The following H2AZ2 variants were observed in gnomAD, a reference collection of about 807,000 sequenced individuals.
H2AZ2 encodes histone H2A.V.
In H2AZ2, 5 loss-of-function variants were observed where a neutral mutation model predicts 15.5. That is an observed-to-expected ratio of 0.32 (90% confidence interval 0.17 to 0.68). The LOEUF is 0.68. Ranked by LOEUF, H2AZ2 falls within the 30% of genes least tolerant of loss-of-function variation. H2AZ2 has a pLI of 0.72. For synonymous variants in H2AZ2, 44 were observed against 57.4 expected (o/e 0.77, Z 1.05); for missense variants, 42 against 162.5 (o/e 0.26, Z 4.03).
rs925226305 is a variant in H2AZ2 at position 44,843,371 on chromosome 7, A to T, written c.4-17T>A. 4.6e-5 allele frequency: 72 copies of T among 1,565,048 alleles called. No individual in the cohort carries two copies. The South Asian group carries it at 4.9e-4, about 11-fold the overall frequency. ...GCCTCCAGCCTAAATGCAAAAAAAA[A>T]TTTTTTTGAATGAAAAGAGTTGAAA... On this transcript the variant is annotated splice_polypyrimidine_tract_variant and intron_variant, in intron 1 of 4. Transcript: ENST00000308153.
chr7:44,847,369 T>C (rs1365587714), intron 1 of H2AZ2, among the ~76,000 whole-genome samples: 3 of 152,180 alleles, frequency 2.0e-5, no homozygotes, highest in Admixed American at 1.3e-4. Context: ...GAAAGTACTG[T>C]TGTATAATGA....
chr7:44,828,627 A>G (rs571552548), downstream of H2AZ2: 1 of 152,330 alleles, frequency 6.6e-6, no homozygotes, highest in African/African-American at 2.4e-5. Context: ...AAGAATTACA[A>G]AGCCCAACTC....
At chr7:44,844,344 A>G (rs1353912109) in intron 1 of H2AZ2, among the ~76,000 whole-genome samples, 1 of 152,202 alleles carries the variant, frequency 6.6e-6, no homozygotes, top group Non-Finnish European at 1.5e-5. Context: ...TAAGCCAGTT[A>G]CAAAAAAGAC....
chr7:44,837,541 G>T (rs1671152004), intron 3 of H2AZ2, among the ~76,000 whole-genome samples: 1 of 150,600 alleles, frequency 6.6e-6, no homozygotes, highest in Non-Finnish European at 1.5e-5. Flanking sequence ...ATGCAGGCTG[G>T]AGTGCAGTGG....
At chr7:44,841,766 G>A (rs975584417) in intron 2 of H2AZ2, among the ~76,000 whole-genome samples, 4 of 152,158 alleles carry the variant, frequency 2.6e-5, no homozygotes, top group Non-Finnish European at 4.4e-5. Flanking sequence ...ACTGTGCCCC[G>A]CCAGTCTGTG....
intron 1 of H2AZ2, among the ~76,000 whole-genome samples, 182 bp downstream of exon 1, chr7:44,847,787 G>A (rs566760719): frequency 1.3e-5 from 2 of 152,226 alleles, no homozygotes; most frequent in South Asian, 2.1e-4. Context: ...GCTCTCACCC[G>A]GGGACCCGTG....
rs542125531 is a variant in H2AZ2, at chr7:44,845,082, A to C, written c.4-1728T>G. On this transcript the variant is annotated intron_variant, in intron 1 of 4. Transcript: ENST00000308153. Reference sequence around the variant, plus strand: ...AATAGATGGTAAGCTTTGAAATGGCATATCCCCTTTGTAGCTAACCCTTTC... The same window carrying C: ...AATAGATGGTAAGCTTTGAAATGGCCTATCCCCTTTGTAGCTAACCCTTTC... Among the ~76,000 whole-genome samples, 9 of 152,334 alleles carry C rather than the reference A, an allele frequency of 5.9e-5. No homozygotes were observed. The South Asian group carries it at 1.9e-3, about 32-fold the overall frequency.
downstream of H2AZ2, chr7:44,829,478 G>C (rs961030429): frequency 1.3e-5 from 2 of 152,192 alleles, no homozygotes; most frequent in East Asian, 1.9e-4. Flanking sequence ...GCGTGCGCCT[G>C]TAATCCCAGC....
At chr7:44,841,933 A>G (rs183342169) in intron 2 of H2AZ2, among the ~76,000 whole-genome samples, 7 of 152,312 alleles carry the variant, frequency 4.6e-5, no homozygotes, top group Admixed American at 1.3e-4. Flanking sequence ...GTCTCTTTCC[A>G]AAGACTGAAT....
chr7:44,830,272 T>G, downstream of H2AZ2: 1 of 1,034,808 alleles, frequency 9.7e-7, no homozygotes, highest in Non-Finnish European at 1.4e-6. Flanking sequence ...AAATGTTAAC[T>G]ATAGATATAG....
At position 44,846,608 on chromosome 7, in the gene H2AZ2, C is replaced by CA. The variant is rs1371866727; in HGVS notation, c.3+1360dup. ...CTGGCAACAGAGTGAGACTCCGTCT[C>CA]AAAAAAAAAAACCACAAAAAACCAC... is the stretch of plus-strand genomic sequence containing the variant. On this transcript the variant is annotated intron_variant, in intron 1 of 4. Coordinates refer to ENST00000308153, the MANE Select transcript of H2AZ2 (RefSeq NM_012412.5). Among the ~76,000 whole-genome samples, 461 of 46,474 alleles carry CA rather than the reference C, an allele frequency of 9.9e-3. 3 individuals carry two copies. Among genetic ancestry groups the CA allele is most frequent in the Middle Eastern group, 0.029 (2 of 68 alleles). 30.5% of individuals were successfully genotyped at this position (46,474 alleles called of 152,430 possible). A position where few individuals can be genotyped will look rare whatever the true frequency, so the allele number is the denominator to read the frequency against.
chr7:44,845,816 T>G (rs184956457), intron 1 of H2AZ2, among the ~76,000 whole-genome samples: 3 of 152,276 alleles, frequency 2.0e-5, no homozygotes, highest in East Asian at 3.9e-4. Context: ...AAGAAAACTT[T>G]TATGGTATCA....
rs1379625345 is a variant in H2AZ2, at chr7:44,847,940, G to A, written c.3+29C>T. On this transcript the variant is annotated intron_variant, in intron 1 of 4. Coordinates refer to ENST00000308153, the MANE Select transcript of H2AZ2 (RefSeq NM_012412.5). ...TCCGCGCTCTGCTCTCCCAGGCCCC[G>A]TGCCCCCGGCCCACCCGGCCGCCCT... 3.3e-6 allele frequency: 5 copies of A among 1,507,496 alleles called. No individual in the cohort carries two copies. In the African/African-American group the frequency reaches 5.8e-5, roughly 17 times the overall value. The allele number at this position is 1,507,496 out of a possible 1,614,324, so 93.4% of individuals were successfully genotyped here. A position where few individuals can be genotyped will look rare whatever the true frequency, so the allele number is the denominator to read the frequency against.
intron 4 of H2AZ2, 24 bp from the exon 5 acceptor site, chr7:44,834,586 A>G (rs761132518): frequency 2.5e-6 from 4 of 1,573,632 alleles, no homozygotes; most frequent in South Asian, 2.3e-5. Flanking sequence ...TAAAAAAGTT[A>G]TTAAAAACTT....
intron 1 of H2AZ2, among the ~76,000 whole-genome samples, chr7:44,845,348 A>T (rs1793371748): frequency 1.3e-5 from 2 of 152,194 alleles, no homozygotes; most frequent in African/African-American, 2.4e-5. Context: ...CTCTATTTCT[A>T]CCAGAATGCC....
At chr7:44,835,296 A>G (rs1793092609) in intron 4 of H2AZ2, 2 of 435,292 alleles carry the variant, frequency 4.6e-6, no homozygotes, top group South Asian at 7.2e-5. Flanking sequence ...TAAGTATCAT[A>G]TGAAATTTAG....
chr7:44,834,629 A>G (rs1028806208), intron 4 of H2AZ2, 67 bp from the exon 5 acceptor site: 64 of 1,390,376 alleles, frequency 4.6e-5, no homozygotes, highest in Non-Finnish European at 6.2e-5. Context: ...AAAGTTAATT[A>G]TAGAAAAAAT....
intron 1 of H2AZ2, among the ~76,000 whole-genome samples, chr7:44,845,810 A>G (rs998898572): frequency 3.3e-5 from 5 of 152,206 alleles, no homozygotes; most frequent in African/African-American, 9.6e-5. Context: ...TAACAAAAGA[A>G]AACTTTTATG....
intron 1 of H2AZ2, among the ~76,000 whole-genome samples, chr7:44,847,691 T>C (rs893915782): frequency 4.6e-5 from 7 of 152,152 alleles, no homozygotes; most frequent in Non-Finnish European, 7.4e-5. Flanking sequence ...TCCTCCTCCT[T>C]CTAAGACGGG....
Sources: allele counts gnomAD v4.1 joint callset (sites outside exome capture counted in the v4.1 genomes callset), GRCh38; gene constraint gnomAD v4.1.1; transcripts MANE v1.5; gene names NCBI Gene and HGNC (gene_info 2026-07-23, HGNC 2026-07-21).